Variants in NUP210L observed in about 807,000 individuals in gnomAD.
NUP210L encodes the protein nucleoporin 210 like.
In NUP210L, 74 loss-of-function variants were observed where a neutral mutation model predicts 208.5. The ratio of observed to expected loss-of-function variants is 0.35; its 90% CI spans 0.29 to 0.43. NUP210L has a LOEUF of 0.43. NUP210L is among the 20% of genes least tolerant of loss of function. The pLI, the probability that NUP210L is intolerant of heterozygous loss-of-function variation, is 1.00. For synonymous variants in NUP210L, 780 were observed against 816.9 expected (o/e 0.95, Z 0.77); for missense variants, 1,843 against 2,289.4 (o/e 0.81, Z 3.98).
At chr1:154,054,905 ATT>A (rs3834774) in intron 23 of NUP210L, 73 bp from the exon 24 acceptor site, 7,623 of 845,270 alleles carry the variant, frequency 9.0e-3, no homozygotes, top group Admixed American at 0.014. Context: ...GGTCATTTAA[ATT>A]TTTTTTTTTT....
chr1:154,154,486 G>T (rs1659586798), intron 1 of NUP210L, among the ~76,000 whole-genome samples: 1 of 152,078 alleles, frequency 6.6e-6, no homozygotes, highest in Non-Finnish European at 1.5e-5. Flanking sequence ...GTTTACATTG[G>T]AAGTCATCAG....
intron 25 of NUP210L, among the ~76,000 whole-genome samples, chr1:154,050,275 G>A (rs1178857072): frequency 3.3e-5 from 5 of 152,160 alleles, no homozygotes; most frequent in Admixed American, 1.3e-4. Context: ...ACCTGCTCTA[G>A]GCATTCCTAC....
In NUP210L at chr1:154,134,006, C is replaced by T. The variant is rs1348770371; in HGVS notation, c.1009+1808G>A. Among the ~76,000 whole-genome samples the T allele has an allele frequency of 7.3e-5, 11 of 151,556 alleles. No homozygotes were observed. The South Asian group carries it at 1.7e-3, about 23-fold the overall frequency. Reference sequence around the variant, plus strand: ...CTCTACTAAAAATACAAAAATTAGCCGGGCATGGTGGCGCACACCTGTAAT... The same window carrying T: ...CTCTACTAAAAATACAAAAATTAGCTGGGCATGGTGGCGCACACCTGTAAT... On this transcript the variant is annotated intron_variant, in intron 7 of 39. Transcript: ENST00000368559.
At chr1:154,012,768 C>T (rs1421541191) in intron 33 of NUP210L, among the ~76,000 whole-genome samples, 7 of 151,098 alleles carry the variant, frequency 4.6e-5, no homozygotes, top group African/African-American at 1.7e-4. Context: ...CACTGGGAGG[C>T]CGAGGCGGGC....
intron 33 of NUP210L, among the ~76,000 whole-genome samples, chr1:154,017,832 GTCTT>G (rs1651348055): frequency 6.6e-6 from 1 of 151,922 alleles, no homozygotes; most frequent in South Asian, 2.1e-4. Flanking sequence ...TTTCTTATAA[GTCTT>G]TCTTATTGGT....
At chr1:154,149,365 C>T (rs1254146234) in intron 2 of NUP210L, among the ~76,000 whole-genome samples, 10 of 152,180 alleles carry the variant, frequency 6.6e-5, no homozygotes, top group South Asian at 6.2e-4. Flanking sequence ...GGATTACAGG[C>T]GTGAGCCACC....
At chr1:153,998,706 TC>T (rs1650041502) in intron 37 of NUP210L, among the ~76,000 whole-genome samples, 2 of 140,532 alleles carry the variant, frequency 1.4e-5, no homozygotes, top group Admixed American at 1.4e-4. Context: ...TATCTAGAGA[TC>T]CTTTTTTTTT....
chr1:154,007,177 G>T (rs1571158965), intron 35 of NUP210L, among the ~76,000 whole-genome samples: 1 of 149,592 alleles, frequency 6.7e-6, no homozygotes, highest in African/African-American at 2.5e-5. Context: ...TAGCCAGGCT[G>T]GTCTCAAACT....
chr1:154,002,009 G>A, intron 35 of NUP210L, 24 bp from the exon 36 acceptor site: 3 of 1,610,316 alleles, frequency 1.9e-6, no homozygotes, highest in Non-Finnish European at 1.7e-6. Context: ...AGGAAAAACT[G>A]AGCAGGAAGG....
intron 33 of NUP210L, among the ~76,000 whole-genome samples, chr1:154,015,160 G>C (rs1483784879): frequency 6.6e-6 from 1 of 151,928 alleles, no homozygotes; most frequent in Admixed American, 6.6e-5. Flanking sequence ...CTATCACCCA[G>C]GTATTAAGCC....
In NUP210L at chr1:153,996,031, A is replaced by G. The variant is rs910596594; in HGVS notation, c.5387-851T>C. The G allele has an allele frequency of 1.0e-4, 37 of 354,128 alleles. 2 individuals carry two copies. Among genetic ancestry groups the G allele is most frequent in the South Asian group, 6.8e-4 (30 of 44,248 alleles). 21.9% of individuals were successfully genotyped at this position (354,128 alleles called of 1,614,324 possible). A position where few individuals can be genotyped will look rare whatever the true frequency, so the allele number is the denominator to read the frequency against. On this transcript the variant is annotated intron_variant, in intron 37 of 39. Coordinates refer to ENST00000368559, the Ensembl canonical transcript of NUP210L. ...AATGCGGCCTGGCGTGGTGGCTCAC[A>G]CCTGTAATCCCAGCATTTTGGGAGG...
chr1:154,139,974 T>G, intron 4 of NUP210L, 22 bp from the exon 5 acceptor site: 9 of 1,586,232 alleles, frequency 5.7e-6, no homozygotes, highest in Non-Finnish European at 7.7e-6. Context: ...AAATAAAATG[T>G]GTTTCTAGCA....
chr1:154,124,545 A>G (rs1008688029), intron 10 of NUP210L, among the ~76,000 whole-genome samples: 2 of 152,194 alleles, frequency 1.3e-5, no homozygotes, highest in Non-Finnish European at 2.9e-5. Flanking sequence ...GTACAAAGAT[A>G]CTCAGTTATG....
At chr1:154,045,200 A>T (rs1337748537) in intron 27 of NUP210L, among the ~76,000 whole-genome samples, 2 of 152,116 alleles carry the variant, frequency 1.3e-5, no homozygotes, top group Admixed American at 6.6e-5. Flanking sequence ...GGTGCCTGAC[A>T]TGGGAATCCA....
rs528479579 is a variant in NUP210L at position 154,100,079 on chromosome 1, A to T, written c.1884T>A (p.His628Gln). 1.7e-5 allele frequency: 28 copies of T among 1,613,704 alleles called. No homozygotes were observed. In the African/African-American group the frequency reaches 3.7e-4, roughly 22 times the overall value. The change falls in exon 14 of 40, where the codon CAT (histidine) becomes CAA (glutamine). Residue 628 changes from histidine to glutamine, a missense_variant. Physicochemically the swap from His to Gln is conservative, Grantham distance 24 (BLOSUM62 0). Around this residue, in one of 5 missense-constraint regions of NUP210L, gnomAD observed 408 missense variants for 600.8 expected, o/e 0.68. Coordinates refer to ENST00000368559, the Ensembl canonical transcript of NUP210L. ...CATTCACACTTACTGTTACCAGAGT[A>T]TGGCCAAGAGATTTAGCTGCGATAT...
At chr1:154,030,186 G>A (rs1044487262) in intron 27 of NUP210L, 132 bp from the exon 28 acceptor site, 4 of 553,236 alleles carry the variant, frequency 7.2e-6, no homozygotes, top group African/African-American at 2.0e-5. Context: ...GGGAGGGGGC[G>A]AGGGATAGAA....
intron 14 of NUP210L, among the ~76,000 whole-genome samples, chr1:154,096,956 C>A (rs1047056594): frequency 1.3e-5 from 2 of 152,090 alleles, no homozygotes; most frequent in Non-Finnish European, 2.9e-5. Flanking sequence ...TGGTGTGCAC[C>A]TGTAATCCCA....
intron 37 of NUP210L, 51 bp downstream of exon 37, chr1:154,000,805 T>G (rs770392404): frequency 1.3e-5 from 19 of 1,517,870 alleles, no homozygotes; most frequent in Non-Finnish European, 1.6e-5. Flanking sequence ...ATGTAATACA[T>G]TCTTTCTTCT....
exon 2 of NUP210L, chr1:154,152,769 G>T (rs372984030): frequency 7.4e-6 from 12 of 1,613,920 alleles, no homozygotes; most frequent in Non-Finnish European, 1.0e-5. Flanking sequence ...CTGCTGAGGC[G>T]TATCGGTTGC....
Sources: allele counts gnomAD v4.1 joint callset (sites outside exome capture counted in the v4.1 genomes callset), GRCh38; gene constraint gnomAD v4.1.1; regional missense constraint gnomAD v4.1.1; transcripts MANE v1.5; gene names NCBI Gene and HGNC (gene_info 2026-07-23, HGNC 2026-07-21).